ADAM22: variants seen among roughly 807,000 people sequenced by gnomAD.
ADAM22 encodes the protein ADAM metallopeptidase domain 22, also known as disintegrin and metalloproteinase domain-containing protein 22.
In ADAM22, 65 loss-of-function variants were observed where a neutral mutation model predicts 144.6. The observed-to-expected ratio is 0.45, with a 90% CI of 0.37 to 0.55. The LOEUF is 0.55. Among genes scored for constraint, ADAM22 ranks in the 20% least tolerant of loss-of-function variants. ADAM22 has a pLI of 0.00. For synonymous variants in ADAM22, 391 were observed against 412.6 expected (o/e 0.95, Z 0.63); for missense variants, 974 against 1,184.9 (o/e 0.82, Z 2.61).
At chr7:88,080,378 T>C (rs13246625) in intron 4 of ADAM22, among the ~76,000 whole-genome samples, 109,127 of 151,932 alleles carry the variant, frequency 0.72, 41,148 homozygotes, top group African/African-American at 0.91. Context: ...GCACTAAATG[T>C]CCACAAGAGA....
intron 13 of ADAM22, among the ~76,000 whole-genome samples, chr7:88,135,277 CAAAAAAAAA>C (rs55721029): frequency 3.3e-5 from 2 of 60,474 alleles, no homozygotes; most frequent in African/African-American, 6.6e-5. Flanking sequence ...GACTCCATCT[CAAAAAAAAA>C]AAAAAAAAAA....
At chr7:88,043,580 C>T (rs1024205066) in intron 3 of ADAM22, among the ~76,000 whole-genome samples, 4 of 151,524 alleles carry the variant, frequency 2.6e-5, no homozygotes, top group Admixed American at 6.6e-5. Flanking sequence ...CAGTGGCATG[C>T]GCATGTAGTC....
chr7:88,092,087 T>A (rs1303453653), intron 4 of ADAM22, among the ~76,000 whole-genome samples: 1 of 152,204 alleles, frequency 6.6e-6, no homozygotes, highest in Non-Finnish European at 1.5e-5. Context: ...GTTTGAAATA[T>A]GTTACTGTCT....
intron 26 of ADAM22, among the ~76,000 whole-genome samples, chr7:88,176,615 C>T (rs1209697550): frequency 1.3e-5 from 2 of 152,158 alleles, no homozygotes; most frequent in African/African-American, 2.4e-5. Context: ...AGTCCATCTA[C>T]ATCCTCAGTG....
At chr7:88,039,372 G>A (rs986714858) in intron 3 of ADAM22, among the ~76,000 whole-genome samples, 1 of 147,722 alleles carries the variant, frequency 6.8e-6, no homozygotes, top group Non-Finnish European at 1.5e-5. Context: ...GAACCGGGAG[G>A]CGGCGGTTGC....
chr7:88,080,442 A>G (rs531886584), intron 4 of ADAM22, among the ~76,000 whole-genome samples: 1 of 152,312 alleles, frequency 6.6e-6, no homozygotes, highest in South Asian at 2.1e-4. Flanking sequence ...AAGAACTAGA[A>G]AAGCAAGAGT....
rs1317782930 is a variant in ADAM22, at chr7:88,145,592, C to G, written c.1485+85C>G. 5 of 1,076,734 alleles carry G rather than the reference C, an allele frequency of 4.6e-6. No individual in the cohort carries two copies. In the Admixed American group the frequency reaches 7.9e-5, roughly 17 times the overall value. The allele number at this position is 1,076,734 out of a possible 1,614,324, so 66.7% of individuals were successfully genotyped here. A position where few individuals can be genotyped will look rare whatever the true frequency, so the allele number is the denominator to read the frequency against. The stretch of plus-strand genomic sequence containing the variant: ...AGGCTGGGTAAATATAATCTAATAA[C>G]AGAAATAGTATCTAACATATATTAA... On this transcript the variant is annotated intron_variant, in intron 17 of 31. Transcript: ENST00000413139.
At chr7:87,959,253 C>T (rs1216630745) in intron 2 of ADAM22, among the ~76,000 whole-genome samples, 2 of 151,852 alleles carry the variant, frequency 1.3e-5, no homozygotes, top group African/African-American at 2.4e-5. Flanking sequence ...GTTTTTACAC[C>T]AATACAATGT....
At chr7:88,006,122 A>G (rs1414324962) in intron 3 of ADAM22, among the ~76,000 whole-genome samples, 1 of 152,120 alleles carries the variant, frequency 6.6e-6, no homozygotes, top group Non-Finnish European at 1.5e-5. Flanking sequence ...CATTAGTTAT[A>G]AATATATCCA....
rs369964009 is a variant in ADAM22, at chr7:88,105,945, C to T, written c.391-2231C>T. Among the ~76,000 whole-genome samples the T allele has an allele frequency of 1.5e-4, 23 of 152,304 alleles. No individual in the cohort carries two copies. In the East Asian group the frequency reaches 1.9e-3, roughly 13 times the overall value. On this transcript the variant is annotated intron_variant, in intron 4 of 31. Transcript: ENST00000413139. ...ACTCTAAACTCTTTATGTCTATTAG[C>T]TCATGTAATCCTCATAACAGCCCTA...
chr7:87,996,241 G>A (rs542016771), intron 3 of ADAM22, among the ~76,000 whole-genome samples: 98 of 152,282 alleles, frequency 6.4e-4, no homozygotes, highest in African/African-American at 2.3e-3. Flanking sequence ...TGTGTACTTT[G>A]TGATGTCTTA....
At chr7:88,011,714 T>C (rs1009105213) in intron 3 of ADAM22, among the ~76,000 whole-genome samples, 5 of 148,722 alleles carry the variant, frequency 3.4e-5, no homozygotes, top group Admixed American at 2.0e-4. Flanking sequence ...TTCTTTCTCT[T>C]TCTCTCTCTC....
chr7:88,145,517 C>A lies in ADAM22; in HGVS notation c.1485+10C>A. ...CTGTAAAAAGTGCAAGGTAAATAAA[C>A]ATTAATGACCATTTGACAGAAAAAA... On this transcript the variant is annotated intron_variant, in intron 17 of 31. Transcript: ENST00000413139. 1 of 1,599,820 alleles carries A rather than the reference C, an allele frequency of 6.3e-7. No individual in the cohort carries two copies. Among genetic ancestry groups the A allele is most frequent in the Non-Finnish European group, 8.6e-7 (1 of 1,168,208 alleles).
intron 10 of ADAM22, among the ~76,000 whole-genome samples, chr7:88,130,981 G>T (rs1170220219): frequency 6.6e-6 from 1 of 152,128 alleles, no homozygotes; most frequent in East Asian, 1.9e-4. Context: ...AAGCATGCAT[G>T]AATTCTTTTT....
intron 3 of ADAM22, among the ~76,000 whole-genome samples, chr7:87,981,931 T>C (rs2129449501): frequency 6.6e-6 from 1 of 152,138 alleles, no homozygotes; most frequent in South Asian, 2.1e-4. Flanking sequence ...AATGCCTTGC[T>C]GTTCAACTAA....
rs1420004642 is a variant in ADAM22 at position 88,130,386 on chromosome 7, AG to A, written c.754-1del. On this transcript the variant is annotated splice_acceptor_variant, in intron 9 of 31. Transcript: ENST00000413139. LOFTEE classifies it high-confidence loss of function. ...CCTTCACTTGTTTTCTTTTGCTTTCAGTTTAAAAAACATCGGCTTTCCGTTG... is the reference window on the plus strand; with the variant it reads ...CCTTCACTTGTTTTCTTTTGCTTTCATTTAAAAAACATCGGCTTTCCGTTG... 1.2e-6 allele frequency: 2 copies of A among 1,610,878 alleles called. No homozygotes were observed.
At chr7:88,181,742 G>A in intron 28 of ADAM22, 137 bp downstream of exon 28, 3 of 842,694 alleles carry the variant, frequency 3.6e-6, no homozygotes, top group Non-Finnish European at 5.5e-6. Context: ...TAGAATGAGA[G>A]CCTAGTTTTT....
At chr7:88,017,316 G>A (rs2129462808) in intron 3 of ADAM22, among the ~76,000 whole-genome samples, 1 of 152,146 alleles carries the variant, frequency 6.6e-6, no homozygotes, top group Middle Eastern at 3.4e-3. Flanking sequence ...TTAAGGTGAT[G>A]GATATGTTAA....
intron 3 of ADAM22, among the ~76,000 whole-genome samples, chr7:87,988,088 A>G (rs952102290): frequency 5.9e-5 from 9 of 152,230 alleles, no homozygotes; most frequent in African/African-American, 2.2e-4. Context: ...AGAAACAAAG[A>G]AAGATTAACA....
Sources: allele counts gnomAD v4.1 joint callset (sites outside exome capture counted in the v4.1 genomes callset), GRCh38; gene constraint gnomAD v4.1.1; transcripts MANE v1.5; gene names NCBI Gene and HGNC (gene_info 2026-07-23, HGNC 2026-07-21).